Variants in ZNF682 observed in about 807,000 individuals in gnomAD.
The protein encoded by ZNF682 is zinc finger protein 682.
A neutral mutation model predicts 36.5 loss-of-function variants in ZNF682; 29 were observed. The observed-to-expected ratio is 0.80, with a 90% CI of 0.59 to 1.08. ZNF682 has a LOEUF of 1.08. ZNF682 is among the 50% of genes least tolerant of loss of function. The probability of loss-of-function intolerance (pLI) is 0.00; values close to 1 mark genes in which losing one functional copy is unlikely to be tolerated. For synonymous variants in ZNF682, 180 were observed against 197.0 expected (o/e 0.91, Z 0.72); for missense variants, 561 against 579.7 (o/e 0.97, Z 0.33).
chr19:20,012,127 A>G (rs980858916), intron 3 of ZNF682, among the ~76,000 whole-genome samples: 1 of 152,232 alleles, frequency 6.6e-6, no homozygotes, highest in African/African-American at 2.4e-5. Flanking sequence ...AAACTTTTAT[A>G]TCAAGAAGAT....
chr19:20,007,538 GGCACC>G (rs756265879), intron 3 of ZNF682: 6 of 388,248 alleles, frequency 1.5e-5, no homozygotes, highest in Non-Finnish European at 2.7e-5. Flanking sequence ...AAAGTCACTG[GGCACC>G]AGGACTGGCT....
intron 3 of ZNF682, chr19:20,008,275 C>CATGGTTT (rs2088247876): frequency 6.6e-6 from 1 of 152,262 alleles, no homozygotes; most frequent in African/African-American, 2.4e-5. Flanking sequence ...GATGACCAGT[C>CATGGTTT]ATGGTTTCCA....
At chr19:19,995,433 C>T (rs2088124059), downstream of ZNF682, among the ~76,000 whole-genome samples, 1 of 152,094 alleles carries the variant, frequency 6.6e-6, no homozygotes, top group Non-Finnish European at 1.5e-5. Flanking sequence ...TGGCATGAGG[C>T]TTAGTCATGA....
intron 1 of ZNF682, among the ~76,000 whole-genome samples, chr19:20,036,565 C>T (rs898400830): frequency 2.9e-5 from 4 of 137,412 alleles, no homozygotes; most frequent in African/African-American, 5.5e-5. Context: ...GAGATTGTGC[C>T]ACTGCACTCC....
At chr19:20,002,340 G>A (rs543615341), downstream of ZNF682, among the ~76,000 whole-genome samples, 133 of 150,132 alleles carry the variant, frequency 8.9e-4, 1 homozygote, top group African/African-American at 2.8e-3. Context: ...TGATCCGCCC[G>A]CCTTGGACTC....
chr19:19,997,720 T>C (rs916638193), intron 3 of ZNF682, among the ~76,000 whole-genome samples: 4 of 152,214 alleles, frequency 2.6e-5, no homozygotes, highest in African/African-American at 9.6e-5. Flanking sequence ...GCTTCCAAGG[T>C]TACTCTTATC....
intron 3 of ZNF682, among the ~76,000 whole-genome samples, chr19:20,013,908 T>C (rs563007360): frequency 1.2e-4 from 19 of 152,262 alleles, no homozygotes; most frequent in Non-Finnish European, 2.6e-4. Context: ...GGAAATCTTA[T>C]AGACTATTAT....
At chr19:20,034,642 G>A (rs1046884348) in intron 1 of ZNF682, among the ~76,000 whole-genome samples, 1 of 151,752 alleles carries the variant, frequency 6.6e-6, no homozygotes, top group East Asian at 1.9e-4. Flanking sequence ...GCTTGGTGGC[G>A]CATGCCTGTA....
At chr19:20,026,368 C>T (rs967582624) in intron 1 of ZNF682, among the ~76,000 whole-genome samples, 1 of 152,112 alleles carries the variant, frequency 6.6e-6, no homozygotes, top group African/African-American at 2.4e-5. Flanking sequence ...AAACAATACA[C>T]ATTCCCCTCT....
intron 3 of ZNF682, chr19:20,015,359 G>C: frequency 2.0e-6 from 2 of 984,966 alleles, no homozygotes; most frequent in Non-Finnish European, 2.4e-6. Context: ...GTCAAACACA[G>C]AGATAATTAA....
chr19:20,023,210 A>G (rs926531941), intron 2 of ZNF682, 111 bp from the exon 3 acceptor site: 2 of 1,023,434 alleles, frequency 2.0e-6, no homozygotes, highest in South Asian at 1.8e-5. Flanking sequence ...TAGAAAATTA[A>G]TAATAAGGAC....
chr19:20,021,504 C>A (rs1169359610), intron 3 of ZNF682, among the ~76,000 whole-genome samples: 2 of 151,938 alleles, frequency 1.3e-5, no homozygotes, highest in African/African-American at 4.8e-5. Flanking sequence ...AAACAAAAAA[C>A]AACAACAACA....
At chr19:20,020,354 G>C (rs1599610330) in intron 3 of ZNF682, among the ~76,000 whole-genome samples, 1 of 152,036 alleles carries the variant, frequency 6.6e-6, no homozygotes, top group Non-Finnish European at 1.5e-5. Flanking sequence ...AAAATTAGCT[G>C]GGCGTGGTGA....
chr19:20,038,123 A>G (rs1599621407), intron 1 of ZNF682, among the ~76,000 whole-genome samples: 1 of 152,218 alleles, frequency 6.6e-6, no homozygotes, highest in Non-Finnish European at 1.5e-5. Context: ...AAGTTTCCAA[A>G]GTGGAACCTC....
chr19:20,000,167 G>A (rs2088156825), downstream of ZNF682, among the ~76,000 whole-genome samples: 1 of 152,168 alleles, frequency 6.6e-6, no homozygotes, highest in Non-Finnish European at 1.5e-5. Context: ...TAGTAAGAAG[G>A]GGCCCAGTGG....
At chr19:20,038,589 C>T (rs76293173) in intron 1 of ZNF682, among the ~76,000 whole-genome samples, 6,391 of 145,400 alleles carry the variant, frequency 0.044, 299 homozygotes, top group East Asian at 0.19. Flanking sequence ...ACTGAGGTGG[C>T]TCTAGTACCC....
chr19:20,003,897 T>A (rs1431536883), downstream of ZNF682, among the ~76,000 whole-genome samples: 1 of 152,214 alleles, frequency 6.6e-6, no homozygotes, highest in Non-Finnish European at 1.5e-5. Context: ...ATCAACACTT[T>A]AAAAATTACC....
At position 19,997,705 on chromosome 19, in the gene ZNF682, C is replaced by T. The variant is rs183449075; in HGVS notation, c.227-442G>A. On this transcript the variant is annotated intron_variant, in intron 3 of 3. Coordinates refer to the ZNF682 transcript ENST00000596019. Reference sequence around the variant, plus strand: ...AAAGGTGGAGGCAAAGAGAGGACAACGGAGGCTTCCAAGGTTACTCTTATC... The same window carrying T: ...AAAGGTGGAGGCAAAGAGAGGACAATGGAGGCTTCCAAGGTTACTCTTATC... Among the ~76,000 whole-genome samples, 7 of 152,342 alleles carry T rather than the reference C, an allele frequency of 4.6e-5. No individual in the cohort carries two copies. The East Asian group carries it at 1.3e-3, about 29-fold the overall frequency.
At chr19:20,034,839 G>A (rs1337260475) in intron 1 of ZNF682, among the ~76,000 whole-genome samples, 1 of 152,084 alleles carries the variant, frequency 6.6e-6, no homozygotes, top group Non-Finnish European at 1.5e-5. Flanking sequence ...GCTCATGCCT[G>A]TAATCCAAGC....
Sources: gnomAD v4.1 joint callset for allele counts (sites outside exome capture counted in the v4.1 genomes callset) on GRCh38, gnomAD v4.1.1 for gene constraint, MANE v1.5 for transcripts, NCBI Gene and HGNC (gene_info 2026-07-23, HGNC 2026-07-21) for gene names.